The following BRCA1 variants were observed in gnomAD, a reference collection of about 807,000 sequenced individuals.
BRCA1 encodes the protein BRCA1 DNA repair associated, also known as breast cancer type 1 susceptibility protein.
BRCA1 carries 140 observed loss-of-function variants against 173.7 expected under a neutral mutation model. That is an observed-to-expected ratio of 0.81 (90% CI 0.70 to 0.93). The LOEUF (loss-of-function observed/expected upper bound fraction) is 0.93. BRCA1 is among the 40% of genes least tolerant of loss of function. BRCA1 has a pLI of 0.00. For missense variants in BRCA1, 1,983 were observed against 2,172.5 expected (o/e 0.91, Z 1.73); for synonymous variants, 662 against 756.0 (o/e 0.88, Z 2.04).
intron 1 of BRCA1, among the ~76,000 whole-genome samples, chr17:43,149,271 T>G (rs1057466089): frequency 1.3e-4 from 19 of 151,484 alleles, no homozygotes; most frequent in African/African-American, 3.6e-4. Context: ...GCTAGTTTTT[T>G]TTTTTTTTTT....
In BRCA1 at chr17:43,057,037, G is replaced by A. The variant is rs535279193; in HGVS notation, c.5277+15C>T. The A allele has an allele frequency of 6.2e-7, 1 of 1,613,304 alleles. No individual in the cohort carries two copies. Among genetic ancestry groups the A allele is most frequent in the Non-Finnish European group, 8.5e-7 (1 of 1,179,416 alleles). On this transcript the variant is annotated intron_variant, in intron 19 of 22. Transcript: ENST00000357654. Reference sequence around the variant, plus strand: ...TGGGGTGAGATTTTTGTCAACTTGAGGGAGGGAGCTTTACCTTTCTGTCCT... The same window carrying A: ...TGGGGTGAGATTTTTGTCAACTTGAAGGAGGGAGCTTTACCTTTCTGTCCT...
rs1597898117 is a variant in BRCA1, at chr17:43,104,887, C to A, written c.282G>T (p.Gln94His). The A allele has an allele frequency of 1.9e-6, 3 of 1,613,862 alleles. No individual in the cohort carries two copies. The East Asian group carries it at 6.7e-5, about 36-fold the overall frequency. ...ACTTACACTCCAAACCTGTGTCAAG[C>A]TGAAAAGCACAAATGATTTTCAATA... ...EELLKIICAF[Q>H]LDTGLEYANS... Residue 94 changes from glutamine to histidine, a missense_variant, in exon 5 of 23, where the codon CAG becomes CAT. By Grantham distance (24) the Gln-to-His change is conservative. Transcript: ENST00000357654.
chr17:43,145,975 G>T (rs33968979), intron 1 of BRCA1, among the ~76,000 whole-genome samples: 48,104 of 151,888 alleles, frequency 0.32, 7,960 homozygotes, highest in South Asian at 0.49. Context: ...ATGTTGTTTT[G>T]TAGTAGAATT....
Position 43,082,500 on chromosome 17 carries a change from G to A in BRCA1, c.4261C>T (p.His1421Tyr), listed in dbSNP as rs80357013. 1.6e-5 allele frequency: 26 copies of A among 1,614,024 alleles called. No homozygotes were observed. The highest frequency in any genetic ancestry group is 1.5e-4 in the Admixed American group (9 of 59,990). ...MAELEAVLEQ[H>Y]GSQPSNSYPS... ...TAGCTGTTAGAAGGCTGGCTCCCATGCTGTTCTAACACAGCTTCTAGTTCA... is the reference window on the plus strand; with the variant it reads ...TAGCTGTTAGAAGGCTGGCTCCCATACTGTTCTAACACAGCTTCTAGTTCA... The change falls in exon 12 of 23, where the codon CAT (histidine) becomes TAT (tyrosine). Residue 1421 changes from histidine (H) to tyrosine (Y), a missense_variant. By Grantham distance (83) the His-to-Tyr change is moderately conservative (BLOSUM62 2). Transcript: ENST00000357654.
intron 1 of BRCA1, among the ~76,000 whole-genome samples, chr17:43,158,290 A>C (rs2056210711): frequency 6.6e-6 from 1 of 152,160 alleles, no homozygotes; most frequent in Non-Finnish European, 1.5e-5. Context: ...GTGCTTTTTC[A>C]AAAGCAGTTT....
At chr17:43,063,475 G>T in intron 17 of BRCA1, 102 bp from the exon 18 acceptor site, 1 of 970,300 alleles carries the variant, frequency 1.0e-6, no homozygotes, top group Non-Finnish European at 1.6e-6. Flanking sequence ...CAGGAAGAAT[G>T]ACAGAGGAGA....
chr17:43,071,609 A>G (rs1771444127), intron 14 of BRCA1, among the ~76,000 whole-genome samples: 1 of 152,226 alleles, frequency 6.6e-6, no homozygotes, highest in African/African-American at 2.4e-5. Context: ...CTCTTCACCC[A>G]TTAATTTGAA....
rs139793550 is a variant in BRCA1, at chr17:43,066,699, G to A, written c.5074+909C>T. Among the ~76,000 whole-genome samples the A allele has an allele frequency of 4.1e-3, 615 of 151,568 alleles. 5 individuals carry two copies. The highest frequency in any genetic ancestry group is 0.014 in the African/African-American group (581 of 41,264). On this transcript the variant is annotated intron_variant, in intron 16 of 22. Coordinates refer to ENST00000357654, the MANE Select transcript of BRCA1 (RefSeq NM_007294.4). Reference sequence around the variant, plus strand: ...GCTGGGATTACTGATGCGAGCCACCGCGTCCAGCTGCCTCACTTGTTGTTT... The same window carrying A: ...GCTGGGATTACTGATGCGAGCCACCACGTCCAGCTGCCTCACTTGTTGTTT...
At chr17:43,108,153 C>T (rs1331136024) in intron 3 of BRCA1, among the ~76,000 whole-genome samples, 2 of 152,096 alleles carry the variant, frequency 1.3e-5, no homozygotes, top group African/African-American at 4.8e-5. Flanking sequence ...GCCTGGCCAA[C>T]ATGGTGAAAC....
At chr17:43,133,637 C>CTTT (rs34083503) in intron 1 of BRCA1, among the ~76,000 whole-genome samples, 77 of 138,684 alleles carry the variant, frequency 5.6e-4, no homozygotes, top group South Asian at 2.3e-3. Flanking sequence ...TTTTCACTTC[C>CTTT]TTTTTTTTTT....
chr17:43,062,183 T>C (rs1285217662), intron 18 of BRCA1, among the ~76,000 whole-genome samples: 2 of 135,860 alleles, frequency 1.5e-5, no homozygotes, highest in Admixed American at 7.3e-5. Flanking sequence ...AGCCTTGAAC[T>C]CCTGGGCTCA....
intron 15 of BRCA1, among the ~76,000 whole-genome samples, chr17:43,069,316 TAC>T (rs2052284608): frequency 6.6e-6 from 1 of 152,216 alleles, no homozygotes; most frequent in African/African-American, 2.4e-5. Flanking sequence ...TCATGTGTAA[TAC>T]AGTCAGTAGC....
chr17:43,122,976 G>GA (rs915479197), intron 2 of BRCA1, among the ~76,000 whole-genome samples: 3 of 151,726 alleles, frequency 2.0e-5, no homozygotes, highest in Non-Finnish European at 4.4e-5. Context: ...AGAATGGCAT[G>GA]AACCCGGGAG....
chr17:43,068,550 CT>C (rs1371287368), intron 15 of BRCA1, among the ~76,000 whole-genome samples: 1 of 144,350 alleles, frequency 6.9e-6, no homozygotes, highest in Non-Finnish European at 1.5e-5. Flanking sequence ...GATTTCATGT[CT>C]TTAAAAAAAA....
rs876659510 is a variant in BRCA1, at chr17:43,047,703, C to T, written c.5407G>A (p.Gly1803Ser). The change falls in exon 22 of 23, where the codon GGT becomes AGT. Residue 1803 changes from glycine to serine, a missense_variant and splice_region_variant. By Grantham distance (56) the Gly-to-Ser change is moderately conservative (BLOSUM62 0). Transcript: ENST00000357654. The stretch of plus-strand genomic sequence containing the variant: ...TGCACAACCACAATTGGGTGGACAC[C>T]CTGGATCCCCAGGAAGGAAAGAGCA... ...KELSSFTLGT[G>S]VHPIVVVQPD... The T allele has an allele frequency of 6.2e-7, 1 of 1,614,114 alleles. No homozygotes were observed. Among genetic ancestry groups the T allele is most frequent in the Non-Finnish European group, 8.5e-7 (1 of 1,180,018 alleles).
intron 11 of BRCA1, among the ~76,000 whole-genome samples, chr17:43,086,040 A>G (rs2053216285): frequency 6.6e-6 from 1 of 151,760 alleles, no homozygotes; most frequent in Admixed American, 6.6e-5. Context: ...CAACTTTGCA[A>G]TGAGTGTTTA....
intron 11 of BRCA1, among the ~76,000 whole-genome samples, chr17:43,090,278 CAG>C (rs1243291055): frequency 6.6e-6 from 1 of 152,140 alleles, no homozygotes; most frequent in Non-Finnish European, 1.5e-5. Flanking sequence ...TGGAGCTATG[CAG>C]AGTCCCTTGA....
At chr17:43,053,497 C>G (rs2051334830) in intron 19 of BRCA1, among the ~76,000 whole-genome samples, 1 of 151,840 alleles carries the variant, frequency 6.6e-6, no homozygotes, top group Admixed American at 6.6e-5. Context: ...CCCGTCTCTA[C>G]TAAAAATACA....
chr17:43,136,884 G>T (rs1040008747), intron 1 of BRCA1, among the ~76,000 whole-genome samples: 40 of 152,292 alleles, frequency 2.6e-4, no homozygotes, highest in Non-Finnish European at 4.1e-4. Flanking sequence ...GATTCCTCAA[G>T]GATCTAGAAC....
Sources: gnomAD v4.1 joint callset for allele counts (sites outside exome capture counted in the v4.1 genomes callset) on GRCh38, gnomAD v4.1.1 for gene constraint, MANE v1.5 for transcripts, NCBI Gene and HGNC (gene_info 2026-07-23, HGNC 2026-07-21) for gene names.